Variants in PRKCA observed in about 807,000 individuals in gnomAD.
The protein encoded by PRKCA is protein kinase C alpha.
In PRKCA, 27 loss-of-function variants were observed where a neutral mutation model predicts 87.0. The observed-to-expected ratio is 0.31, with a 90% CI of 0.23 to 0.43. The LOEUF (loss-of-function observed/expected upper bound fraction) is 0.43, where lower values mean the gene tolerates loss of function less well. Among genes scored for constraint, PRKCA ranks in the 20% least tolerant of loss-of-function variants. The pLI is 1.00. For synonymous variants in PRKCA, 329 were observed against 311.1 expected (o/e 1.06, Z -0.61); for missense variants, 518 against 852.3 (o/e 0.61, Z 4.88).
At chr17:66,574,320 A>G (rs1381917479) in intron 3 of PRKCA, among the ~76,000 whole-genome samples, 2 of 152,088 alleles carry the variant, frequency 1.3e-5, no homozygotes, top group Non-Finnish European at 1.5e-5. Context: ...TTCAATTCAA[A>G]TGGCTGTCTG....
At chr17:66,326,986 T>C (rs1444443275) in intron 2 of PRKCA, among the ~76,000 whole-genome samples, 1 of 152,150 alleles carries the variant, frequency 6.6e-6, no homozygotes, top group African/African-American at 2.4e-5. Context: ...GGGGAATCAC[T>C]TGAGCCCTGG....
At chr17:66,666,801 C>T (rs1471819303) in intron 5 of PRKCA, among the ~76,000 whole-genome samples, 3 of 152,090 alleles carry the variant, frequency 2.0e-5, no homozygotes, top group Non-Finnish European at 4.4e-5. Flanking sequence ...TCGTAACTCT[C>T]CATGCCTCTC....
At chr17:66,781,872 T>G (rs111890543) in intron 14 of PRKCA, among the ~76,000 whole-genome samples, 34,761 of 109,796 alleles carry the variant, frequency 0.32, 5,770 homozygotes, top group African/African-American at 0.55. Context: ...GAGAGAGATA[T>G]ATATATATAT....
At chr17:66,398,718 G>A (rs937243951) in intron 2 of PRKCA, among the ~76,000 whole-genome samples, 1 of 152,100 alleles carries the variant, frequency 6.6e-6, no homozygotes, top group Non-Finnish European at 1.5e-5. Flanking sequence ...AACGAGAAAG[G>A]CAGATGGATG....
chr17:66,774,214 G>T (rs569879960), intron 14 of PRKCA, 147 bp downstream of exon 14: 5 of 1,515,654 alleles, frequency 3.3e-6, no homozygotes, highest in African/African-American at 1.4e-5. Flanking sequence ...AGGGAGAAAC[G>T]CCCCCTTCAA....
chr17:66,415,322 T>C (rs1567817253), intron 2 of PRKCA: 1 of 152,176 alleles, frequency 6.6e-6, no homozygotes, highest in Non-Finnish European at 1.5e-5. Flanking sequence ...GTGAACAGCT[T>C]ATATCAAATT....
chr17:66,583,770 T>A (rs1042279872), intron 3 of PRKCA, among the ~76,000 whole-genome samples: 3 of 152,194 alleles, frequency 2.0e-5, no homozygotes, highest in Non-Finnish European at 4.4e-5. Flanking sequence ...GAAGATGGAT[T>A]TGCCTTTTAA....
chr17:66,437,898 AC>A (rs1254150525), intron 2 of PRKCA, among the ~76,000 whole-genome samples: 1 of 151,798 alleles, frequency 6.6e-6, no homozygotes, highest in East Asian at 1.9e-4. Context: ...GTCTATAAAT[AC>A]CTTTTAACAG....
intron 3 of PRKCA, among the ~76,000 whole-genome samples, chr17:66,523,579 A>T (rs989333299): frequency 1.3e-5 from 2 of 152,218 alleles, no homozygotes; most frequent in African/African-American, 2.4e-5. Context: ...TTTAACCAAA[A>T]TGTGTATGTC....
chr17:66,377,717 A>AT (rs1415157449), intron 2 of PRKCA, among the ~76,000 whole-genome samples: 23 of 53,564 alleles, frequency 4.3e-4, no homozygotes, highest in African/African-American at 1.4e-3. Flanking sequence ...ATATATATAT[A>AT]TATATTTTTT....
chr17:66,763,551 G>A (rs1974733673), intron 13 of PRKCA, among the ~76,000 whole-genome samples: 1 of 152,278 alleles, frequency 6.6e-6, no homozygotes, highest in East Asian at 1.9e-4. Flanking sequence ...CCTTGGGAAT[G>A]GATGATGTTT....
chr17:66,803,648 A>G lies in PRKCA; in HGVS notation c.1855-225A>G, dbSNP rs1445198418. Among the ~76,000 whole-genome samples the G allele has an allele frequency of 1.3e-5, 2 of 151,948 alleles. No individual in the cohort carries two copies. The highest frequency in any genetic ancestry group is 2.9e-5 in the Non-Finnish European group (2 of 67,978). The stretch of plus-strand genomic sequence containing the variant: ...ATTGCCAGCCGTGCAATTCCCACCC[A>G]GGGCTTCTGTTCGGGGTGTTTCAGG... On this transcript the variant is annotated intron_variant, in intron 16 of 16. Coordinates refer to ENST00000413366, the MANE Select transcript of PRKCA (RefSeq NM_002737.3). This position sits in a 1 kb window ranked among gnomAD's most constrained non-coding sequence, Gnocchi z 4.4.
At chr17:66,460,418 G>T (rs1914790998) in intron 2 of PRKCA, among the ~76,000 whole-genome samples, 2 of 152,182 alleles carry the variant, frequency 1.3e-5, no homozygotes, top group Admixed American at 6.5e-5. Context: ...AATATCCAGG[G>T]TTGATAAGCG....
At chr17:66,631,189 T>C (rs1262997304) in intron 3 of PRKCA, among the ~76,000 whole-genome samples, 3 of 152,226 alleles carry the variant, frequency 2.0e-5, no homozygotes, top group Admixed American at 2.0e-4. Flanking sequence ...TTGTTAGCAG[T>C]ATAATCTAGT....
At chr17:66,539,556 A>C (rs542220440) in intron 3 of PRKCA, among the ~76,000 whole-genome samples, 106 of 152,078 alleles carry the variant, frequency 7.0e-4, no homozygotes, top group African/African-American at 2.4e-3. Context: ...GGCGCCCGCC[A>C]CCACATCCAG....
At chr17:66,686,988 C>T in intron 5 of PRKCA, 123 bp from the exon 6 acceptor site, 2 of 874,408 alleles carry the variant, frequency 2.3e-6, no homozygotes, top group East Asian at 2.4e-5. Flanking sequence ...TTTTGGCTTC[C>T]ACCATCTGTC....
intron 2 of PRKCA, among the ~76,000 whole-genome samples, chr17:66,363,691 G>A (rs899364130): frequency 8.8e-6 from 1 of 114,214 alleles, no homozygotes; most frequent in Non-Finnish European, 2.0e-5. Flanking sequence ...ACTAGGGATG[G>A]GCTTATTTAT....
chr17:66,450,130 C>T (rs1463708078), intron 2 of PRKCA, among the ~76,000 whole-genome samples: 5 of 151,860 alleles, frequency 3.3e-5, no homozygotes, highest in Admixed American at 2.0e-4. Context: ...TTGACAAGAT[C>T]GTTAACTCAT....
chr17:66,714,169 G>A (rs16960103), intron 8 of PRKCA, among the ~76,000 whole-genome samples: 21,499 of 151,908 alleles, frequency 0.14, 1,780 homozygotes, highest in East Asian at 0.27. Context: ...TTTCCTCTCC[G>A]GTGTGAGGCC....
Sources: gnomAD v4.1 joint callset for allele counts (sites outside exome capture counted in the v4.1 genomes callset) on GRCh38, gnomAD v4.1.1 for gene constraint, Gnocchi (gnomAD v3.1) non-coding constraint, MANE v1.5 for transcripts, NCBI Gene and HGNC (gene_info 2026-07-23, HGNC 2026-07-21) for gene names.